The following KLRG1 variants were observed in gnomAD, a reference collection of about 807,000 sequenced individuals.
KLRG1 encodes the protein killer cell lectin like receptor G1, also known as killer cell lectin-like receptor subfamily G member 1.
Under a neutral mutation model 21.8 loss-of-function variants are expected in KLRG1, and 16 were observed. The ratio of observed to expected loss-of-function variants is 0.73; its 90% confidence interval spans 0.50 to 1.11. KLRG1 has a LOEUF of 1.11. Ranked by LOEUF, KLRG1 falls within the 50% of genes most tolerant of loss-of-function variation. KLRG1 has a pLI of 0.00. For missense variants in KLRG1, 173 were observed against 218.3 expected (o/e 0.79, Z 1.31); for synonymous variants, 69 against 75.9 (o/e 0.91, Z 0.47).
chr12:9,062,791 A>G, the KLRG1 span, among the ~76,000 whole-genome samples: 3 of 149,122 alleles, frequency 2.0e-5, no homozygotes, highest in Non-Finnish European at 4.4e-5. Context: ...TAGCAGACAT[A>G]GTAAATATCT....
chr12:9,184,560 C>T, the KLRG1 span, among the ~76,000 whole-genome samples: 4 of 152,234 alleles, frequency 2.6e-5, no homozygotes, highest in African/African-American at 7.2e-5. Context: ...AGCTGATGAG[C>T]GTGTACCCCA....
chr12:9,111,411 AGT>A, the KLRG1 span: 1 of 405,698 alleles, frequency 2.5e-6, no homozygotes, highest in Admixed American at 2.8e-5. Context: ...GAGGAGTGAA[AGT>A]AGAAGCTGGG....
chr12:9,195,867 TATA>T, the KLRG1 span, among the ~76,000 whole-genome samples: 41,544 of 150,712 alleles, frequency 0.28, 5,886 homozygotes, highest in East Asian at 0.4. Flanking sequence ...CATATAAAAA[TATA>T]ATAATAATAA....
chr12:9,190,307 T>C, the KLRG1 span, among the ~76,000 whole-genome samples: 2 of 152,162 alleles, frequency 1.3e-5, no homozygotes, highest in South Asian at 4.1e-4. Context: ...ACCATGGAAC[T>C]ATGCAGCCAT....
At chr12:9,032,425 C>T in the KLRG1 span, among the ~76,000 whole-genome samples, 1 of 152,196 alleles carries the variant, frequency 6.6e-6, no homozygotes, top group Admixed American at 6.5e-5. Context: ...CTCCATTTTG[C>T]TTCTAAGCTA....
rs766832710 is a variant in KLRG1, at chr12:8,971,840, A to G, written c.-155-20366A>G. Among the ~76,000 whole-genome samples, 13 of 152,348 alleles carry G rather than the reference A, an allele frequency of 8.5e-5. No individual in the cohort carries two copies. The East Asian group carries it at 2.5e-3, about 29-fold the overall frequency. Reference sequence around the variant, plus strand: ...GTAGTTTGAGACCAGCCTGGTTAACATAGTGAGACCTCTGTTTAAAAAGAA... The same window carrying G: ...GTAGTTTGAGACCAGCCTGGTTAACGTAGTGAGACCTCTGTTTAAAAAGAA... On this transcript the variant is annotated intron_variant, in intron 1 of 4. Coordinates refer to the KLRG1 transcript ENST00000539240.
the KLRG1 span, chr12:9,151,465 T>C: frequency 3.4e-6 from 2 of 587,702 alleles, no homozygotes; most frequent in South Asian, 3.2e-5. Context: ...TCCCCTCTTA[T>C]TCTTCTTGGA....
the KLRG1 span, among the ~76,000 whole-genome samples, chr12:9,211,988 A>G: frequency 6.6e-6 from 1 of 152,154 alleles, no homozygotes. Context: ...GGTCTACTTT[A>G]GAGTCCACAG....
At chr12:9,208,428 G>A in the KLRG1 span, 4 of 1,025,402 alleles carry the variant, frequency 3.9e-6, no homozygotes, top group Non-Finnish European at 4.5e-6. Flanking sequence ...GCTTTATGTG[G>A]CCACTATGTA....
At chr12:9,194,175 C>T in the KLRG1 span, 1 of 1,613,974 alleles carries the variant, frequency 6.2e-7, no homozygotes, top group African/African-American at 1.3e-5. Flanking sequence ...TAATTGGCGT[C>T]ATTCACAGAG....
At chr12:9,094,253 C>G in the KLRG1 span, among the ~76,000 whole-genome samples, 2 of 149,966 alleles carry the variant, frequency 1.3e-5, no homozygotes, top group South Asian at 2.1e-4. Flanking sequence ...CAGAAGATTA[C>G]AGTTAGTTTC....
chr12:9,119,288 G>A, the KLRG1 span, among the ~76,000 whole-genome samples: 1 of 152,094 alleles, frequency 6.6e-6, no homozygotes, highest in Non-Finnish European at 1.5e-5. Context: ...AAAATAGGAG[G>A]GATTAATGTT....
chr12:9,058,266 G>A, the KLRG1 span: 1 of 152,054 alleles, frequency 6.6e-6, no homozygotes, highest in Admixed American at 6.5e-5. Flanking sequence ...ATCTCTCTAT[G>A]TATAATTTAT....
the KLRG1 span, among the ~76,000 whole-genome samples, chr12:9,134,748 T>C: frequency 1.3e-5 from 2 of 152,196 alleles, no homozygotes; most frequent in South Asian, 2.1e-4. Context: ...AATTTTCTTC[T>C]TTTTAAAGAA....
the KLRG1 span, among the ~76,000 whole-genome samples, chr12:9,197,936 ATAT>A: frequency 1.6e-5 from 2 of 126,016 alleles, no homozygotes; most frequent in East Asian, 2.0e-4. Flanking sequence ...AGTTATCTAT[ATAT>A]TATATTTATA....
the KLRG1 span, chr12:9,072,446 A>G: frequency 6.2e-7 from 1 of 1,613,228 alleles, no homozygotes; most frequent in Admixed American, 1.7e-5. Flanking sequence ...AGCAAAGGGG[A>G]ACTCTTCCTT....
the KLRG1 span, among the ~76,000 whole-genome samples, chr12:9,119,473 G>T: frequency 4.1e-4 from 62 of 152,166 alleles, no homozygotes; most frequent in Admixed American, 3.7e-3. Flanking sequence ...TTTCAGTGCC[G>T]GTGTGGGGCA....
the KLRG1 span, among the ~76,000 whole-genome samples, chr12:9,198,450 A>G: frequency 2.0e-5 from 3 of 152,324 alleles, no homozygotes; most frequent in African/African-American, 7.2e-5. Context: ...GAGCAAATGT[A>G]GATGATGAAT....
chr12:9,168,694 C>T, the KLRG1 span: 1 of 517,804 alleles, frequency 1.9e-6, no homozygotes, highest in Non-Finnish European at 3.4e-6. Context: ...AAAAAAATCT[C>T]TGATCAGTTC....
Sources: allele counts gnomAD v4.1 joint callset (sites outside exome capture counted in the v4.1 genomes callset), GRCh38; gene constraint gnomAD v4.1.1; transcripts MANE v1.5; gene names NCBI Gene and HGNC (gene_info 2026-07-23, HGNC 2026-07-21).